Variants in SNX29 observed in about 807,000 individuals in gnomAD.
SNX29 encodes sorting nexin-29.
Under a neutral mutation model 102.1 loss-of-function variants are expected in SNX29, and 78 were observed. That is an observed-to-expected ratio of 0.76 (90% CI 0.64 to 0.92). The LOEUF (loss-of-function observed/expected upper bound fraction) is 0.92, where lower values mean the gene tolerates loss of function less well. Among genes scored for constraint, SNX29 ranks in the 40% least tolerant of loss-of-function variants. The pLI, the probability that SNX29 is intolerant of heterozygous loss-of-function variation, is 0.00. For missense variants in SNX29, 1,280 were observed against 1,061.7 expected (o/e 1.21, Z -2.86); for synonymous variants, 580 against 414.5 (o/e 1.40, Z -4.85).
intron 13 of SNX29, among the ~76,000 whole-genome samples, chr16:12,187,246 C>G (rs1336307587): frequency 6.6e-6 from 1 of 152,206 alleles, no homozygotes; most frequent in Non-Finnish European, 1.5e-5. Flanking sequence ...CACTGCCCCT[C>G]TATGCCTGGG....
chr16:12,153,196 G>A (rs2055373578), intron 13 of SNX29, among the ~76,000 whole-genome samples: 1 of 152,150 alleles, frequency 6.6e-6, no homozygotes, highest in Non-Finnish European at 1.5e-5. Context: ...CCAGGAGTTC[G>A]AGGTTGCAGT....
chr16:12,223,537 G>A (rs1414401241), intron 14 of SNX29, among the ~76,000 whole-genome samples: 3 of 152,158 alleles, frequency 2.0e-5, no homozygotes, highest in East Asian at 1.9e-4. Context: ...GGGCATGTGC[G>A]CCTGTAGTCC....
At position 12,538,332 on chromosome 16, in the gene SNX29, G is replaced by A. The variant is rs561281517; in HGVS notation, c.2318+13491G>A. On this transcript the variant is annotated intron_variant, in intron 20 of 20. Transcript: ENST00000566228. ...AGAGGGGGTTTCACCATGTTAGCCAGGATGGTCTCGGTCTTCCAAAGTGCT... is the reference window on the plus strand; with the variant it reads ...AGAGGGGGTTTCACCATGTTAGCCAAGATGGTCTCGGTCTTCCAAAGTGCT... 9.2e-5 allele frequency among the ~76,000 whole-genome samples: 14 copies of A among 152,290 alleles called. No homozygotes were observed. The South Asian group carries it at 2.7e-3, about 29-fold the overall frequency.
Position 12,346,810 on chromosome 16 carries a change from G to A in SNX29, c.1783-9353G>A, listed in dbSNP as rs533559697. Among the ~76,000 whole-genome samples the A allele has an allele frequency of 8.5e-4, 129 of 152,234 alleles. 7 individuals are homozygous for A. The South Asian group carries it at 0.023, about 27-fold the overall frequency. On this transcript the variant is annotated intron_variant, in intron 15 of 20. Coordinates refer to ENST00000566228, the MANE Select transcript of SNX29 (RefSeq NM_032167.5). ...TTGGCTCTTGGAGGGCTGTTGTAGG[G>A]GCCAGGAGAGCATCATTGTCTCCAG...
chr16:12,319,982 C>G (rs897367998), intron 15 of SNX29, among the ~76,000 whole-genome samples: 2 of 152,156 alleles, frequency 1.3e-5, no homozygotes, highest in Non-Finnish European at 2.9e-5. Flanking sequence ...TCCAGGAAGC[C>G]TTGCCTGACA....
intron 20 of SNX29, among the ~76,000 whole-genome samples, chr16:12,563,766 CTTG>C (rs1567211677): frequency 1.3e-5 from 2 of 152,234 alleles, no homozygotes; most frequent in African/African-American, 4.8e-5. Flanking sequence ...CTTCTCCACC[CTTG>C]TCTGCCGACC....
At chr16:12,199,563 T>C (rs2076862184) in intron 13 of SNX29, 38 bp from the exon 14 acceptor site, 3 of 1,562,916 alleles carry the variant, frequency 1.9e-6, no homozygotes, top group South Asian at 1.2e-5. Flanking sequence ...ATTGTCACTT[T>C]TTAAATATAT....
intron 20 of SNX29, among the ~76,000 whole-genome samples, chr16:12,562,029 G>T (rs1156384770): frequency 6.6e-6 from 1 of 152,108 alleles, no homozygotes. Flanking sequence ...GCCCCTCATG[G>T]ATTTAGGGAT....
intron 14 of SNX29, among the ~76,000 whole-genome samples, chr16:12,265,751 T>C (rs1158138602): frequency 6.7e-6 from 1 of 148,806 alleles, no homozygotes; most frequent in East Asian, 2.0e-4. Context: ...TTATCTGGGT[T>C]TGATGGCACA....
intron 20 of SNX29, among the ~76,000 whole-genome samples, chr16:12,536,662 C>A (rs4390575): frequency 6.6e-6 from 1 of 152,034 alleles, no homozygotes; most frequent in Non-Finnish European, 1.5e-5. Flanking sequence ...TTCCTTAGAT[C>A]CAGGGAAGAG....
rs3971422 is a variant in SNX29, at chr16:12,037,791, GA to G, written c.248-5092del. Among the ~76,000 whole-genome samples, 1,156 of 140,648 alleles carry G rather than the reference GA, an allele frequency of 8.2e-3. 18 individuals are homozygous for G. Among genetic ancestry groups the G allele is most frequent in the African/African-American group, 0.026 (1,005 of 38,566 alleles). 92.3% of individuals were successfully genotyped at this position (140,648 alleles called of 152,430 possible). On this transcript the variant is annotated intron_variant, in intron 4 of 20. Coordinates refer to ENST00000566228, the MANE Select transcript of SNX29 (RefSeq NM_032167.5). Reference sequence around the variant, plus strand: ...ACATAGTAAGACCCTCGTCTCTACAGAAAAAAAAAAAAAATTAGCCGTGTAT... The same window carrying G: ...ACATAGTAAGACCCTCGTCTCTACAGAAAAAAAAAAAAATTAGCCGTGTAT...
In SNX29 at chr16:12,113,337, G is replaced by T. The variant is rs111457366; in HGVS notation, c.1403-13296G>T. ...CCACACATCCATGGCTGCAAGGGAG[G>T]TAGAGTCGCCGAGCCGGGCTGGAAC... On this transcript the variant is annotated intron_variant, in intron 11 of 20. Coordinates refer to ENST00000566228, the MANE Select transcript of SNX29 (RefSeq NM_032167.5). 9.1e-4 allele frequency among the ~76,000 whole-genome samples: 138 copies of T among 152,290 alleles called. 1 individual carries two copies. The highest frequency in any genetic ancestry group is 1.7e-3 in the Non-Finnish European group (118 of 68,026).
chr16:12,176,899 G>T lies in SNX29; in HGVS notation c.1596-22702G>T, dbSNP rs1018860775. 1.7e-4 allele frequency among the ~76,000 whole-genome samples: 26 copies of T among 152,042 alleles called. 1 individual carries two copies. Among genetic ancestry groups the T allele is most frequent in the Non-Finnish European group, 5.9e-5 (4 of 67,992 alleles). On this transcript the variant is annotated intron_variant, in intron 13 of 20. Transcript: ENST00000566228. ...TTATGACTGAGGCAGTGTGGTGTGGGGGAAAATTTGCAGGTCCTGGGGTCG... is the reference window on the plus strand; with the variant it reads ...TTATGACTGAGGCAGTGTGGTGTGGTGGAAAATTTGCAGGTCCTGGGGTCG...
intron 20 of SNX29, among the ~76,000 whole-genome samples, chr16:12,552,713 C>T (rs532442395): frequency 6.6e-6 from 1 of 152,174 alleles, no homozygotes; most frequent in Non-Finnish European, 1.5e-5. Flanking sequence ...GATTGGGGGA[C>T]TGATAGAAGA....
intron 18 of SNX29, among the ~76,000 whole-genome samples, chr16:12,456,355 C>G (rs1419035779): frequency 6.6e-6 from 1 of 152,142 alleles, no homozygotes; most frequent in Non-Finnish European, 1.5e-5. Flanking sequence ...CAGTGTCAAC[C>G]TATGGCATCA....
chr16:12,565,302 C>G (rs747480222), intron 20 of SNX29, among the ~76,000 whole-genome samples: 2 of 152,236 alleles, frequency 1.3e-5, no homozygotes, highest in Non-Finnish European at 2.9e-5. Flanking sequence ...CCAGCACTCT[C>G]CATTCAAGTC....
At chr16:12,514,778 T>C (rs1024784236) in intron 19 of SNX29, among the ~76,000 whole-genome samples, 4 of 152,032 alleles carry the variant, frequency 2.6e-5, no homozygotes, top group Admixed American at 2.0e-4. Flanking sequence ...GGCAGGAGAA[T>C]CACTTGAACC....
intron 14 of SNX29, among the ~76,000 whole-genome samples, chr16:12,235,591 T>C (rs538210904): frequency 9.2e-5 from 14 of 152,310 alleles, no homozygotes; most frequent in Non-Finnish European, 1.5e-4. Context: ...CTGCCTAACA[T>C]TGGCATATTT....
intron 11 of SNX29, among the ~76,000 whole-genome samples, chr16:12,104,993 G>A (rs773398444): frequency 3.9e-5 from 6 of 152,178 alleles, no homozygotes; most frequent in East Asian, 1.9e-4. Context: ...AGATCCACTC[G>A]GGTTTTATTA....
Sources: gnomAD v4.1 joint callset for allele counts (sites outside exome capture counted in the v4.1 genomes callset) on GRCh38, gnomAD v4.1.1 for gene constraint, MANE v1.5 for transcripts, NCBI Gene and HGNC (gene_info 2026-07-23, HGNC 2026-07-21) for gene names.